The following MATCAP2 variants were observed in gnomAD, a reference collection of about 807,000 sequenced individuals.
MATCAP2 encodes the protein putative tyrosine carboxypeptidase MATCAP2.
the MATCAP2 span, among the ~76,000 whole-genome samples, chr7:36,383,206 C>G: frequency 3.9e-5 from 6 of 152,074 alleles, no homozygotes; most frequent in East Asian, 1.2e-3. Context: ...AGTAAAATAG[C>G]CCTTTTCAAT....
the MATCAP2 span, chr7:36,366,824 C>T: frequency 6.6e-7 from 1 of 1,520,682 alleles, no homozygotes; most frequent in Non-Finnish European, 8.8e-7. Context: ...GAGCGGCGCG[C>T]CCAGCCGGTG....
chr7:36,388,010 T>C, the MATCAP2 span, among the ~76,000 whole-genome samples: 1 of 152,354 alleles, frequency 6.6e-6, no homozygotes, highest in African/African-American at 2.4e-5. Context: ...TTCCATATAC[T>C]ACACACTCGG....
At chr7:36,379,749 G>C in the MATCAP2 span, among the ~76,000 whole-genome samples, 2 of 150,892 alleles carry the variant, frequency 1.3e-5, no homozygotes, top group Non-Finnish European at 2.9e-5. Context: ...ATTGCTGCTA[G>C]TCTACAAACC....
At chr7:36,336,416 C>A in the MATCAP2 span, 2 of 836,244 alleles carry the variant, frequency 2.4e-6, no homozygotes, top group Non-Finnish European at 1.7e-6. Context: ...AATTAAACTG[C>A]AACTGAAGTG....
chr7:36,364,899 T>G, the MATCAP2 span, among the ~76,000 whole-genome samples: 2 of 152,212 alleles, frequency 1.3e-5, no homozygotes, highest in Non-Finnish European at 1.5e-5. Context: ...ATTAGAGGCT[T>G]GCATGGTCTC....
At chr7:36,348,553 A>C in the MATCAP2 span, among the ~76,000 whole-genome samples, 4 of 152,222 alleles carry the variant, frequency 2.6e-5, no homozygotes, top group African/African-American at 4.8e-5. Flanking sequence ...CTACATTTTT[A>C]ACATACCAGC....
the MATCAP2 span, chr7:36,337,652 A>T: frequency 6.6e-6 from 1 of 151,414 alleles, no homozygotes; most frequent in Admixed American, 6.6e-5. Context: ...TACTCTTATT[A>T]TTATTATTAT....
At chr7:36,335,126 A>G in the MATCAP2 span, 1 of 1,613,996 alleles carries the variant, frequency 6.2e-7, no homozygotes, top group Non-Finnish European at 8.5e-7. Flanking sequence ...ACATCCATTT[A>G]CTACTGTCAT....
chr7:36,362,081 T>C, the MATCAP2 span, among the ~76,000 whole-genome samples: 276 of 152,362 alleles, frequency 1.8e-3, no homozygotes, highest in African/African-American at 6.5e-3. Context: ...TGGTTATGTA[T>C]GTACAAAGTC....
At chr7:36,364,566 T>C in the MATCAP2 span, among the ~76,000 whole-genome samples, 3 of 152,170 alleles carry the variant, frequency 2.0e-5, no homozygotes, top group African/African-American at 7.2e-5. Flanking sequence ...ATGAGTCTGT[T>C]CTATATTTGT....
chr7:36,373,185 T>C, the MATCAP2 span, among the ~76,000 whole-genome samples: 5 of 151,258 alleles, frequency 3.3e-5, no homozygotes, highest in Non-Finnish European at 5.9e-5. Flanking sequence ...ACAGGGATGC[T>C]GGGGTAAGTA....
the MATCAP2 span, among the ~76,000 whole-genome samples, chr7:36,343,560 AAGGGAGAGGGAG>A: frequency 3.3e-5 from 1 of 29,942 alleles, no homozygotes; most frequent in African/African-American, 1.5e-4. Flanking sequence ...GAGGGAAGGG[AAGGGAGAGGGAG>A]AGGGAGAGGG....
At chr7:36,327,322 T>A in the MATCAP2 span, among the ~76,000 whole-genome samples, 2 of 152,094 alleles carry the variant, frequency 1.3e-5, no homozygotes, top group African/African-American at 4.8e-5. Flanking sequence ...GTATTTTTAG[T>A]AGAGATGATG....
the MATCAP2 span, chr7:36,389,848 C>G: frequency 3.4e-6 from 4 of 1,162,298 alleles, no homozygotes; most frequent in East Asian, 2.5e-5. Context: ...CAAATTTGAA[C>G]GGCTGCAGAG....
At chr7:36,368,057 A>T in the MATCAP2 span, 5 of 50,528 alleles carry the variant, frequency 9.9e-5, no homozygotes, top group East Asian at 2.8e-3. Context: ...AAGTGAGACT[A>T]AAAAAAAAAA....
At chr7:36,385,881 G>A in the MATCAP2 span, among the ~76,000 whole-genome samples, 4 of 151,356 alleles carry the variant, frequency 2.6e-5, no homozygotes, top group East Asian at 5.8e-4. Flanking sequence ...TTGGGTAGGC[G>A]CAGTGGCTCA....
chr7:36,331,214 T>A, the MATCAP2 span: 1 of 577,818 alleles, frequency 1.7e-6, no homozygotes, highest in Non-Finnish European at 3.1e-6. Flanking sequence ...TTTTTATTTT[T>A]ATTTAACTAT....
the MATCAP2 span, chr7:36,357,326 T>A: frequency 3.1e-6 from 5 of 1,614,182 alleles, no homozygotes; most frequent in South Asian, 3.3e-5. Flanking sequence ...CCTGCGAGGA[T>A]CTTTGCTACG....
At chr7:36,329,588 C>A in the MATCAP2 span, among the ~76,000 whole-genome samples, 1 of 152,178 alleles carries the variant, frequency 6.6e-6, no homozygotes, top group East Asian at 1.9e-4. Flanking sequence ...GACACAGGCA[C>A]AGCCATGAAA....
Sources: allele counts gnomAD v4.1 joint callset (sites outside exome capture counted in the v4.1 genomes callset), GRCh38; gene constraint gnomAD v4.1.1; transcripts MANE v1.5; gene names NCBI Gene and HGNC (gene_info 2026-07-23, HGNC 2026-07-21).